The following XYLB variants were observed in gnomAD, a reference collection of about 807,000 sequenced individuals.
XYLB encodes xylulokinase.
Under a neutral mutation model 78.7 loss-of-function variants are expected in XYLB, and 62 were observed. The ratio of observed to expected loss-of-function variants is 0.79; its 90% CI spans 0.64 to 0.97. XYLB has a LOEUF of 0.97. Ranked by LOEUF, XYLB falls within the 50% of genes least tolerant of loss-of-function variation. The pLI, the probability that XYLB is intolerant of heterozygous loss-of-function variation, is 0.00. For missense variants in XYLB, 687 were observed against 676.8 expected, an observed-to-expected ratio of 1.02 and a Z score of -0.17; for synonymous variants, 245 against 247.4, an observed-to-expected ratio of 0.99 and a Z score of 0.09.
chr3:38,374,342 C>T, intron 10 of XYLB, 120 bp from the exon 11 acceptor site: 1 of 1,447,954 alleles, frequency 6.9e-7, no homozygotes, highest in South Asian at 1.2e-5. Flanking sequence ...CCTGCCTCCA[C>T]CCTAGGGTGT....
At chr3:38,394,085 G>C (rs965671925) in intron 15 of XYLB, among the ~76,000 whole-genome samples, 1 of 151,982 alleles carries the variant, frequency 6.6e-6, no homozygotes, top group African/African-American at 2.4e-5. Flanking sequence ...TTTTTATTTA[G>C]GTTGAATAGG....
At chr3:38,382,560 C>T (rs1707198946) in intron 15 of XYLB, among the ~76,000 whole-genome samples, 1 of 152,198 alleles carries the variant, frequency 6.6e-6, no homozygotes, top group African/African-American at 2.4e-5. Flanking sequence ...TGATTGCCCT[C>T]ATCCCACCAC....
At chr3:38,431,505 A>G in the XYLB span, among the ~76,000 whole-genome samples, 2 of 152,210 alleles carry the variant, frequency 1.3e-5, no homozygotes, top group African/African-American at 4.8e-5. Context: ...AAGAGGGACA[A>G]TTTGACTTCC....
At chr3:38,377,735 C>T (rs568338545) in intron 14 of XYLB, among the ~76,000 whole-genome samples, 57 of 152,190 alleles carry the variant, frequency 3.7e-4, no homozygotes, top group African/African-American at 9.1e-4. Context: ...CCACCATGCC[C>T]GGCTATCATT....
rs1258737265 is a variant in XYLB at position 38,408,757 on chromosome 3, C to A, written c.1534-4179C>A. The stretch of plus-strand genomic sequence containing the variant: ...CTACCATCAGAGAATACTGCAAACA[C>A]CTCTACGCAAATAAACTAGAAAATC... On this transcript the variant is annotated intron_variant, in intron 18 of 18. Coordinates refer to ENST00000207870, the MANE Select transcript of XYLB (RefSeq NM_005108.4). Among the ~76,000 whole-genome samples, 7 of 151,934 alleles carry A rather than the reference C, an allele frequency of 4.6e-5. No individual in the cohort carries two copies. In the South Asian group the frequency reaches 6.3e-4, roughly 14 times the overall value.
the XYLB span, among the ~76,000 whole-genome samples, chr3:38,444,046 G>T: frequency 2.0e-5 from 3 of 152,068 alleles, no homozygotes; most frequent in African/African-American, 7.2e-5. Context: ...AAAATACCAG[G>T]TATCTCCAAA....
At chr3:38,412,851 T>C in intron 18 of XYLB, 85 bp from the exon 19 acceptor site, 3 of 1,192,208 alleles carry the variant, frequency 2.5e-6, no homozygotes, top group Non-Finnish European at 3.6e-6. Flanking sequence ...GTAAACGGGA[T>C]TTAAAAATTT....
At position 38,412,825 on chromosome 3, in the gene XYLB, AAAAGTT is replaced by A. The variant is rs566540698; in HGVS notation, c.1534-107_1534-102del. ...ATTGATGCTTTCTTTCGCCCAGAAA[AAAAGTT>A]AAATTGCAAGTAAACGGGATTTAAA... On this transcript the variant is annotated intron_variant, in intron 18 of 18. Transcript: ENST00000207870. 6.8e-5 allele frequency: 62 copies of A among 914,814 alleles called. 1 individual carries two copies. The East Asian group carries it at 1.5e-3, about 22-fold the overall frequency. The allele number at this position is 914,814 out of a possible 1,614,324, so 56.7% of individuals were successfully genotyped here.
At chr3:38,400,836 G>A (rs1182019276) in intron 17 of XYLB, 55 bp from the exon 18 acceptor site, 1 of 1,495,894 alleles carries the variant, frequency 6.7e-7, no homozygotes, top group African/African-American at 1.4e-5. Flanking sequence ...TGGTGTTTTT[G>A]GTTAACGTCT....
intron 2 of XYLB, among the ~76,000 whole-genome samples, chr3:38,359,971 A>C (rs1043329333): frequency 2.6e-5 from 4 of 151,694 alleles, no homozygotes; most frequent in African/African-American, 9.7e-5. Flanking sequence ...TAGTAGAGAC[A>C]CTCTTCCCTC....
At chr3:38,437,140 C>T in the XYLB span, among the ~76,000 whole-genome samples, 2 of 151,516 alleles carry the variant, frequency 1.3e-5, no homozygotes, top group African/African-American at 4.8e-5. Context: ...ACATGATACA[C>T]CATATCAACA....
At chr3:38,397,193 A>G (rs200133056) in intron 17 of XYLB, 34 bp downstream of exon 17, 1 of 1,605,336 alleles carries the variant, frequency 6.2e-7, no homozygotes, top group East Asian at 2.2e-5. Context: ...TATCTCTGGA[A>G]GTGGCCAGGA....
chr3:38,437,044 T>TAAC, the XYLB span, among the ~76,000 whole-genome samples: 30 of 144,298 alleles, frequency 2.1e-4, no homozygotes, highest in African/African-American at 7.1e-4. Context: ...ATAATAATAA[T>TAAC]AACAAAAACC....
intron 18 of XYLB, among the ~76,000 whole-genome samples, chr3:38,406,048 A>G (rs1287838649): frequency 1.3e-5 from 2 of 152,156 alleles, no homozygotes; most frequent in East Asian, 3.9e-4. Flanking sequence ...CTCCCAGCAC[A>G]CCTCTGGAGA....
Position 38,356,057 on chromosome 3 carries a change from C to CT in XYLB, c.141-4281dup, listed in dbSNP as rs200216195. On this transcript the variant is annotated intron_variant, in intron 2 of 18. Coordinates refer to ENST00000207870, the MANE Select transcript of XYLB (RefSeq NM_005108.4). ...ACGAGGTCAGGAGATCGAGACCATC[C>CT]TGGCTAATGCAGTGAAACCCCGTCT... is the stretch of plus-strand genomic sequence containing the variant. The CT allele has an allele frequency of 0.019, 6,371 of 343,192 alleles. 529 individuals are homozygous for CT. The East Asian group carries it at 0.21, about 11-fold the overall frequency. 21.3% of individuals were successfully genotyped at this position (343,192 alleles called of 1,614,324 possible). A position where few individuals can be genotyped will look rare whatever the true frequency, so the allele number is the denominator to read the frequency against.
intron 15 of XYLB, among the ~76,000 whole-genome samples, chr3:38,382,894 G>A (rs776400614): frequency 3.3e-5 from 5 of 152,178 alleles, no homozygotes; most frequent in East Asian, 1.9e-4. Flanking sequence ...CTGTCTTGCC[G>A]CTCTGCTGAG....
chr3:38,423,067 G>GTTA (rs1000459940), downstream of XYLB, among the ~76,000 whole-genome samples: 2 of 151,974 alleles, frequency 1.3e-5, no homozygotes, highest in African/African-American at 2.4e-5. Flanking sequence ...TCCACTCTTT[G>GTTA]TTATTATTAT....
chr3:38,409,205 A>C (rs1485483818), intron 18 of XYLB, among the ~76,000 whole-genome samples: 1 of 152,248 alleles, frequency 6.6e-6, no homozygotes, highest in Non-Finnish European at 1.5e-5. Context: ...AGTGGGCCTC[A>C]TCCCTGAGAT....
downstream of XYLB, among the ~76,000 whole-genome samples, chr3:38,415,580 CGAGACCA>C (rs1325789868): frequency 6.6e-6 from 1 of 151,912 alleles, no homozygotes; most frequent in African/African-American, 2.4e-5. Flanking sequence ...GTCAGGAGCT[CGAGACCA>C]GACTGGCCAA....
Sources: gnomAD v4.1 joint callset for allele counts (sites outside exome capture counted in the v4.1 genomes callset) on GRCh38, gnomAD v4.1.1 for gene constraint, MANE v1.5 for transcripts, NCBI Gene and HGNC (gene_info 2026-07-23, HGNC 2026-07-21) for gene names.